XPO7: variants seen among roughly 807,000 people sequenced by gnomAD.
XPO7 encodes the protein exportin-7.
XPO7 carries 21 observed loss-of-function variants against 144.3 expected under a neutral mutation model. The observed-to-expected ratio is 0.15, with a 90% confidence interval of 0.10 to 0.21. The LOEUF (loss-of-function observed/expected upper bound fraction) is 0.21, where lower values mean the gene tolerates loss of function less well. XPO7 is among the 10% of genes least tolerant of loss of function. XPO7 has a pLI of 1.00. For synonymous variants in XPO7, 580 were observed against 499.6 expected (o/e 1.16, Z -2.15); for missense variants, 808 against 1,325.8 (o/e 0.61, Z 6.06).
Position 21,999,561 on chromosome 8 carries a change from A to C in XPO7, c.2669A>C (p.Tyr890Ser). 6.2e-7 allele frequency: 1 copy of C among 1,613,974 alleles called. No homozygotes were observed. The highest frequency in any genetic ancestry group is 8.5e-7 in the Non-Finnish European group (1 of 1,179,882). The change falls in exon 24 of 28, where the codon TAT becomes TCT. Residue 890 changes from tyrosine (Y) to serine (S), a missense_variant. This residue lies in a region of XPO7 where 3 missense variants were observed against 20.9 expected (regional missense o/e 0.14). Coordinates refer to ENST00000252512, the MANE Select transcript of XPO7 (RefSeq NM_015024.5). ...LLDYPKLSQSYYSLLEVLTQD... is the reference protein window; with the variant it reads ...LLDYPKLSQSSYSLLEVLTQD... Reference sequence around the variant, plus strand: ...GATTACCCCAAGCTCAGCCAGTCTTATTATTCACTACTGGAAGTCCTGACC... The same window carrying C: ...GATTACCCCAAGCTCAGCCAGTCTTCTTATTCACTACTGGAAGTCCTGACC...
intron 1 of XPO7, among the ~76,000 whole-genome samples, chr8:21,928,843 G>C (rs1482332826): frequency 1.3e-5 from 2 of 152,156 alleles, no homozygotes; most frequent in African/African-American, 2.4e-5. Flanking sequence ...AGTTTTATTG[G>C]AACATGCATT....
intron 19 of XPO7, among the ~76,000 whole-genome samples, chr8:21,992,741 T>C (rs952314747): frequency 6.6e-6 from 1 of 152,186 alleles, no homozygotes; most frequent in African/African-American, 2.4e-5. Context: ...AATTTTAAGT[T>C]CTTGTTTTCT....
chr8:21,989,348 C>G (rs879394241), intron 16 of XPO7, among the ~76,000 whole-genome samples: 20 of 152,274 alleles, frequency 1.3e-4, no homozygotes, highest in African/African-American at 4.6e-4. Context: ...GCATAGTAGC[C>G]CCATCTCATA....
chr8:21,934,482 G>A (rs1379540067), intron 1 of XPO7, among the ~76,000 whole-genome samples: 3 of 151,948 alleles, frequency 2.0e-5, no homozygotes, highest in African/African-American at 7.3e-5. Flanking sequence ...ACGGTGAGCC[G>A]AGATTGCGCC....
At chr8:21,934,578 A>T (rs1243486204) in intron 1 of XPO7, among the ~76,000 whole-genome samples, 1 of 152,136 alleles carries the variant, frequency 6.6e-6, no homozygotes. Context: ...TGATATTTTT[A>T]TTTTGGGGTG....
At chr8:21,923,693 A>G (rs1282526485) in intron 1 of XPO7, among the ~76,000 whole-genome samples, 5 of 152,202 alleles carry the variant, frequency 3.3e-5, no homozygotes. Context: ...TATCAGGAAG[A>G]TCCCTGTTCT....
intron 1 of XPO7, among the ~76,000 whole-genome samples, chr8:21,961,603 C>T (rs1246759578): frequency 1.3e-5 from 2 of 152,078 alleles, no homozygotes; most frequent in Non-Finnish European, 2.9e-5. Context: ...CTGGTTGTTC[C>T]ACATGCTAAC....
At chr8:21,920,340 T>C (rs1185266374) in intron 1 of XPO7, among the ~76,000 whole-genome samples, 1 of 151,670 alleles carries the variant, frequency 6.6e-6, no homozygotes, top group Non-Finnish European at 1.5e-5. Context: ...GATGCGCCCT[T>C]CCCTCCGACA....
In XPO7 at chr8:21,977,748, C is replaced by A. The variant is rs1476331292; in HGVS notation, c.764-22C>A. On this transcript the variant is annotated intron_variant, in intron 7 of 27. Coordinates refer to ENST00000252512, the MANE Select transcript of XPO7 (RefSeq NM_015024.5). ...ATGTTCATACTTAATAAAGTGATGT[C>A]TTTTGTCTTTTTCTTCCCCAGCCTT... The A allele has an allele frequency of 5.0e-6, 8 of 1,612,346 alleles. No homozygotes were observed. The Admixed American group carries it at 1.0e-4, about 20-fold the overall frequency.
In XPO7 at chr8:21,919,688, TCGGCGGCGG is replaced by T. The variant is rs949492976; in HGVS notation, c.-75_-67del. ...GCGCGCAGGCGCAGCGGCGACGGCG[TCGGCGGCGG>T]CGGCGGCAGCGGCTCCGGCCGAGGT... is the stretch of plus-strand genomic sequence containing the variant. On this transcript the variant is annotated 5_prime_UTR_variant, in exon 1 of 28. Coordinates refer to ENST00000252512, the MANE Select transcript of XPO7 (RefSeq NM_015024.5). 2.7e-5 allele frequency: 5 copies of T among 185,238 alleles called. No homozygotes were observed. The highest frequency in any genetic ancestry group is 1.8e-4 in the East Asian group (1 of 5,500). The allele number at this position is 185,238 out of a possible 1,614,324, so 11.5% of individuals were successfully genotyped here.
In XPO7 at chr8:21,971,862, CT is replaced by C; in HGVS notation, c.427-7del. 3 of 1,607,806 alleles carry C rather than the reference CT, an allele frequency of 1.9e-6. No individual in the cohort carries two copies. The highest frequency in any genetic ancestry group is 2.2e-5 in the East Asian group (1 of 44,770). On this transcript the variant is annotated splice_polypyrimidine_tract_variant and intron_variant, in intron 4 of 27. Coordinates refer to ENST00000252512, the MANE Select transcript of XPO7 (RefSeq NM_015024.5). ...ACATGACAACTCTTTCTACCTTATA[CT>C]TTTTTTAACCAGGATAGTGTTGAAT...
chr8:21,925,810 C>T (rs1469367887), intron 1 of XPO7, among the ~76,000 whole-genome samples: 2 of 152,198 alleles, frequency 1.3e-5, no homozygotes, highest in Non-Finnish European at 2.9e-5. Context: ...TTCATATGTA[C>T]ATGTTTGTAA....
chr8:21,993,169 A>G (rs1404440506), intron 19 of XPO7, among the ~76,000 whole-genome samples: 3 of 152,198 alleles, frequency 2.0e-5, no homozygotes, highest in Non-Finnish European at 4.4e-5. Context: ...GTATCAACCA[A>G]TATCAAGGAT....
At chr8:21,975,208 G>T (rs1206220027) in intron 6 of XPO7, among the ~76,000 whole-genome samples, 2 of 152,246 alleles carry the variant, frequency 1.3e-5, no homozygotes, top group African/African-American at 4.8e-5. Context: ...ACAGAAACCA[G>T]GCTGGTTCCC....
chr8:21,996,870 C>A (rs1812966936), intron 21 of XPO7, among the ~76,000 whole-genome samples: 1 of 152,082 alleles, frequency 6.6e-6, no homozygotes, highest in South Asian at 2.1e-4. Context: ...TACAGTGGCG[C>A]AGTCTTGGCT....
intron 21 of XPO7, among the ~76,000 whole-genome samples, chr8:21,997,269 CT>C (rs377534724): frequency 1.2e-4 from 19 of 152,194 alleles, no homozygotes; most frequent in African/African-American, 4.6e-4. Flanking sequence ...GACAAAATCT[CT>C]ACCCTCTTTG....
In XPO7 at chr8:21,977,831, A is replaced by G. The variant is rs1448280489; in HGVS notation, c.825A>G (p.Ser275=). Residue 275 remains serine, a synonymous_variant, in exon 8 of 28, where the codon TCA becomes TCG. Coordinates refer to ENST00000252512, the MANE Select transcript of XPO7 (RefSeq NM_015024.5). ...FFDLYHSIPP[S]FSPLVLSCLV... is the part of the protein sequence containing the mutation. ...ACCTGTATCATTCCATCCCTCCTTC[A>G]TTTTCACCTCTGGTGAGTCAGGACT... The G allele has an allele frequency of 5.0e-6, 8 of 1,613,732 alleles. No homozygotes were observed. Among genetic ancestry groups the G allele is most frequent in the Non-Finnish European group, 5.9e-6 (7 of 1,179,796 alleles).
intron 1 of XPO7, among the ~76,000 whole-genome samples, chr8:21,963,238 G>A (rs1811780860): frequency 6.6e-6 from 1 of 152,146 alleles, no homozygotes; most frequent in South Asian, 2.1e-4. Flanking sequence ...TTAAGAATGT[G>A]CTCTTCAGAA....
chr8:21,993,364 G>GT (rs1812831212), intron 19 of XPO7, among the ~76,000 whole-genome samples: 4 of 152,204 alleles, frequency 2.6e-5, no homozygotes, highest in African/African-American at 7.2e-5. Context: ...AACTGAGCTT[G>GT]TGGTATCAGC....
Sources: gnomAD v4.1 joint callset for allele counts (sites outside exome capture counted in the v4.1 genomes callset) on GRCh38, gnomAD v4.1.1 for gene constraint, gnomAD v4.1.1 regional missense constraint, MANE v1.5 for transcripts, NCBI Gene and HGNC (gene_info 2026-07-23, HGNC 2026-07-21) for gene names.